The following SUGCT variants were observed in gnomAD, a reference collection of about 807,000 sequenced individuals.
SUGCT encodes succinyl-CoA:glutarate-CoA transferase.
A neutral mutation model predicts 55.0 loss-of-function variants in SUGCT; 41 were observed. That is an observed-to-expected ratio of 0.74 (90% CI 0.58 to 0.97). SUGCT has a LOEUF of 0.97. Ranked by LOEUF, SUGCT falls within the 50% of genes least tolerant of loss-of-function variation. The probability of loss-of-function intolerance (pLI) is 0.00; values close to 1 mark genes in which losing one functional copy is unlikely to be tolerated. For synonymous variants in SUGCT, 187 were observed against 200.4 expected (o/e 0.93, Z 0.56); for missense variants, 568 against 547.8 (o/e 1.04, Z -0.37).
At chr7:40,908,365 A>G in the SUGCT span, among the ~76,000 whole-genome samples, 5 of 145,948 alleles carry the variant, frequency 3.4e-5, no homozygotes, top group East Asian at 8.2e-4. Flanking sequence ...CCTGGGGCAC[A>G]GAGCGAGACT....
chr7:40,481,335 C>T (rs555022312), intron 11 of SUGCT, among the ~76,000 whole-genome samples: 1 of 151,080 alleles, frequency 6.6e-6, no homozygotes, highest in Non-Finnish European at 1.5e-5. Context: ...GAGACCCTAC[C>T]TCAAGAAAAG....
At chr7:40,918,189 G>A in the SUGCT span, among the ~76,000 whole-genome samples, 2 of 152,072 alleles carry the variant, frequency 1.3e-5, no homozygotes, top group African/African-American at 2.4e-5. Flanking sequence ...TAGGCCAGTC[G>A]CGGTGGTTCA....
chr7:40,610,836 G>C lies in SUGCT; in HGVS notation c.1089+114450G>C, dbSNP rs185762190. ...GCCAAGGGAATTTAGTTGTGTTTAA[G>C]ACTTCGAATTCCATCATGAACTTTG... On this transcript the variant is annotated intron_variant, in intron 12 of 13. Coordinates refer to ENST00000335693, the MANE Select transcript of SUGCT (RefSeq NM_001193313.2). Among the ~76,000 whole-genome samples the C allele has an allele frequency of 1.3e-3, 196 of 152,306 alleles. 1 individual carries two copies. Among genetic ancestry groups the C allele is most frequent in the African/African-American group, 4.5e-3 (188 of 41,562 alleles).
At chr7:40,322,845 C>T (rs904475110) in intron 9 of SUGCT, among the ~76,000 whole-genome samples, 1 of 152,070 alleles carries the variant, frequency 6.6e-6, no homozygotes, top group South Asian at 2.1e-4. Flanking sequence ...CCCAGCTACT[C>T]TGGAGGCTGA....
chr7:40,378,132 AG>A (rs61693171), intron 9 of SUGCT, among the ~76,000 whole-genome samples: 123,159 of 151,880 alleles, frequency 0.81, 50,908 homozygotes, highest in Middle Eastern at 0.9. Flanking sequence ...TTTCCAAAAA[AG>A]ATGGTACATT....
chr7:40,769,112 G>A (rs900884362), intron 13 of SUGCT, among the ~76,000 whole-genome samples: 1 of 152,144 alleles, frequency 6.6e-6, no homozygotes, highest in Non-Finnish European at 1.5e-5. Flanking sequence ...AAAAAACAAG[G>A]GGGAGAGTAT....
chr7:40,164,104 G>A (rs1207401157), intron 1 of SUGCT, among the ~76,000 whole-genome samples: 1 of 150,190 alleles, frequency 6.7e-6, no homozygotes, highest in Non-Finnish European at 1.5e-5. Flanking sequence ...ATAGGCGTGA[G>A]CCACCATGCC....
intron 8 of SUGCT, among the ~76,000 whole-genome samples, chr7:40,291,105 C>T (rs1490807294): frequency 6.6e-6 from 1 of 152,092 alleles, no homozygotes; most frequent in Non-Finnish European, 1.5e-5. Flanking sequence ...GGTGATTCCT[C>T]AGGGATCTCG....
chr7:40,953,883 A>T, the SUGCT span, among the ~76,000 whole-genome samples: 1 of 152,202 alleles, frequency 6.6e-6, no homozygotes, highest in South Asian at 2.1e-4. Flanking sequence ...CCTCCCAGTT[A>T]GGCTACTCGG....
chr7:40,820,825 C>G (rs976499428), intron 13 of SUGCT, among the ~76,000 whole-genome samples: 1 of 152,210 alleles, frequency 6.6e-6, no homozygotes, highest in Non-Finnish European at 1.5e-5. Flanking sequence ...TGAGAAAGGG[C>G]ATCCCTGTCT....
chr7:40,941,552 G>A, the SUGCT span, among the ~76,000 whole-genome samples: 2 of 152,038 alleles, frequency 1.3e-5, no homozygotes, highest in South Asian at 2.1e-4. Flanking sequence ...CAGTTCTTGG[G>A]TAGAATGTTC....
chr7:41,023,135 T>G, the SUGCT span, among the ~76,000 whole-genome samples: 1 of 152,194 alleles, frequency 6.6e-6, no homozygotes, highest in African/African-American at 2.4e-5. Flanking sequence ...TTTCTCTTTC[T>G]GCTACAACCA....
At chr7:40,759,044 G>A (rs945904541) in intron 13 of SUGCT, among the ~76,000 whole-genome samples, 9 of 152,150 alleles carry the variant, frequency 5.9e-5, no homozygotes, top group African/African-American at 2.2e-4. Flanking sequence ...AGGCGTGGAT[G>A]TGGTCAAATA....
chr7:40,932,533 C>G, the SUGCT span, among the ~76,000 whole-genome samples: 1 of 151,872 alleles, frequency 6.6e-6, no homozygotes, highest in Non-Finnish European at 1.5e-5. Context: ...GTGTTAAAGT[C>G]TCCCATTATT....
At chr7:40,880,989 A>C in the SUGCT span, among the ~76,000 whole-genome samples, 3 of 152,340 alleles carry the variant, frequency 2.0e-5, no homozygotes, top group Admixed American at 2.0e-4. Flanking sequence ...CAAGTTGTAC[A>C]AGCATATGTG....
chr7:40,548,157 T>C (rs1297060788), intron 12 of SUGCT, among the ~76,000 whole-genome samples: 1 of 151,240 alleles, frequency 6.6e-6, no homozygotes, highest in Non-Finnish European at 1.5e-5. Context: ...CCAAATAAGC[T>C]ATAAACTTCT....
chr7:40,509,354 G>A (rs1792797554), intron 12 of SUGCT, among the ~76,000 whole-genome samples: 1 of 151,992 alleles, frequency 6.6e-6, no homozygotes, highest in Admixed American at 6.6e-5. Context: ...ACTGTCTTTG[G>A]GGCTATGTGG....
intron 12 of SUGCT, among the ~76,000 whole-genome samples, chr7:40,514,559 A>G (rs1793127247): frequency 6.6e-6 from 1 of 151,882 alleles, no homozygotes; most frequent in Admixed American, 6.6e-5. Context: ...AAAGACAAAA[A>G]ATTAGCCGTG....
chr7:40,298,735 AT>A (rs572413470), intron 8 of SUGCT, among the ~76,000 whole-genome samples: 2,036 of 144,460 alleles, frequency 0.014, 14 homozygotes, highest in African/African-American at 0.039. Flanking sequence ...TTGTGAAGGA[AT>A]TTTTTTTTTT....
Sources: allele counts gnomAD v4.1 joint callset (sites outside exome capture counted in the v4.1 genomes callset), GRCh38; gene constraint gnomAD v4.1.1; transcripts MANE v1.5; gene names NCBI Gene and HGNC (gene_info 2026-07-23, HGNC 2026-07-21).